The following EPHA4 variants were observed in gnomAD, a reference collection of about 807,000 sequenced individuals.
The protein encoded by EPHA4 is ephrin type-A receptor 4.
EPHA4 carries 19 observed loss-of-function variants against 108.3 expected under a neutral mutation model. That is an observed-to-expected ratio of 0.18 (90% confidence interval 0.12 to 0.26). EPHA4 has a LOEUF of 0.26. Ranked by LOEUF, EPHA4 falls within the 10% of genes least tolerant of loss-of-function variation. The pLI, the probability that EPHA4 is intolerant of heterozygous loss-of-function variation, is 1.00. For missense variants in EPHA4, 917 were observed against 1,254.0 expected, an observed-to-expected ratio of 0.73 and a Z score of 4.06; for synonymous variants, 449 against 455.5, an observed-to-expected ratio of 0.99 and a Z score of 0.18.
intron 3 of EPHA4, among the ~76,000 whole-genome samples, chr2:221,526,844 C>A (rs577889133): frequency 1.0e-5 from 1 of 96,894 alleles, no homozygotes; most frequent in Non-Finnish European, 1.9e-5. Context: ...TATAGCCAGA[C>A]TCGGCCTCAA....
At chr2:221,514,093 GGA>G (rs66899105) in intron 3 of EPHA4, among the ~76,000 whole-genome samples, 43,878 of 146,984 alleles carry the variant, frequency 0.3, 7,079 homozygotes, top group African/African-American at 0.48. Context: ...TAAGCCGGGG[GGA>G]GGGGGTTTGA....
chr2:221,553,980 A>G (rs1413062728), intron 3 of EPHA4, among the ~76,000 whole-genome samples: 1 of 152,248 alleles, frequency 6.6e-6, no homozygotes, highest in African/African-American at 2.4e-5. Context: ...ATAATTATCA[A>G]TCAACTTACT....
At chr2:221,472,825 C>CT (rs1186315129) in intron 5 of EPHA4, among the ~76,000 whole-genome samples, 1 of 152,110 alleles carries the variant, frequency 6.6e-6, no homozygotes, top group Non-Finnish European at 1.5e-5. Flanking sequence ...GGTCCCTGTA[C>CT]TTTTTCATAA....
At chr2:221,514,154 C>A (rs1692923130) in intron 3 of EPHA4, among the ~76,000 whole-genome samples, 2 of 151,866 alleles carry the variant, frequency 1.3e-5, no homozygotes, top group African/African-American at 4.8e-5. Context: ...GGTCATTGTC[C>A]CAAGAAATCG....
At chr2:221,430,309 T>C (rs1398997022) in intron 14 of EPHA4, among the ~76,000 whole-genome samples, 158 bp from the exon 15 acceptor site, 1 of 152,058 alleles carries the variant, frequency 6.6e-6, no homozygotes, top group East Asian at 1.9e-4. Context: ...TAGACCTGAG[T>C]ATCACTGGCA....
intron 5 of EPHA4, among the ~76,000 whole-genome samples, chr2:221,459,482 C>T (rs1418210701): frequency 6.6e-6 from 1 of 152,002 alleles, no homozygotes; most frequent in Non-Finnish European, 1.5e-5. Flanking sequence ...ATATGGAAGC[C>T]ACTGAACATC....
intron 4 of EPHA4, among the ~76,000 whole-genome samples, chr2:221,497,167 G>A (rs1430533023): frequency 6.6e-6 from 1 of 152,130 alleles, no homozygotes; most frequent in East Asian, 1.9e-4. Flanking sequence ...AAGAGGAAGA[G>A]AACAAACATT....
intron 3 of EPHA4, among the ~76,000 whole-genome samples, chr2:221,553,232 T>G (rs1694213567): frequency 6.6e-6 from 1 of 152,230 alleles, no homozygotes; most frequent in South Asian, 2.1e-4. Context: ...AAGCAATAAT[T>G]TGCTTGTAGT....
intron 17 of EPHA4, among the ~76,000 whole-genome samples, chr2:221,422,587 C>T (rs552351571): frequency 6.6e-6 from 1 of 152,268 alleles, no homozygotes; most frequent in South Asian, 2.1e-4. Flanking sequence ...AATGTGAAGA[C>T]TTGTATCTAC....
chr2:221,522,125 C>T (rs1357064267), intron 3 of EPHA4, among the ~76,000 whole-genome samples: 3 of 152,214 alleles, frequency 2.0e-5, no homozygotes, highest in African/African-American at 7.2e-5. Context: ...TTAATTCTCA[C>T]CATTTTCCCT....
chr2:221,513,463 A>C (rs1692892315), intron 3 of EPHA4, among the ~76,000 whole-genome samples: 1 of 152,192 alleles, frequency 6.6e-6, no homozygotes, highest in Non-Finnish European at 1.5e-5. Context: ...AGCTGAAATG[A>C]CTGCAGTAAT....
chr2:221,473,036 A>G (rs1437366038), intron 5 of EPHA4, among the ~76,000 whole-genome samples: 1 of 152,182 alleles, frequency 6.6e-6, no homozygotes, highest in African/African-American at 2.4e-5. Flanking sequence ...CACCTATGGA[A>G]CCAATCATTA....
intron 4 of EPHA4, among the ~76,000 whole-genome samples, chr2:221,486,074 T>A (rs1691964661): frequency 2.0e-5 from 3 of 152,208 alleles, no homozygotes; most frequent in African/African-American, 7.2e-5. Flanking sequence ...ATTGCCTTTG[T>A]CATCAGAAAT....
chr2:221,550,764 A>C (rs1176298648), intron 3 of EPHA4, among the ~76,000 whole-genome samples: 3 of 152,182 alleles, frequency 2.0e-5, no homozygotes, highest in African/African-American at 7.2e-5. Context: ...TGAATTCAAA[A>C]GAATTTGTCA....
intron 5 of EPHA4, among the ~76,000 whole-genome samples, chr2:221,477,358 A>G (rs1691687057): frequency 6.6e-6 from 1 of 152,222 alleles, no homozygotes. Context: ...ACTGCTATGA[A>G]GTCTGTTCTT....
At chr2:221,490,010 G>C (rs964636914) in intron 4 of EPHA4, among the ~76,000 whole-genome samples, 4 of 151,970 alleles carry the variant, frequency 2.6e-5, no homozygotes, top group Non-Finnish European at 5.9e-5. Flanking sequence ...GCCAGGTGTA[G>C]TGGCATGTTC....
chr2:221,486,393 C>G (rs1248298562), intron 4 of EPHA4, among the ~76,000 whole-genome samples: 3 of 152,104 alleles, frequency 2.0e-5, no homozygotes, highest in African/African-American at 7.2e-5. Flanking sequence ...TACTTAGACA[C>G]CATTCCATGT....
upstream of EPHA4, chr2:221,572,728 GT>G (rs1446391784): frequency 6.6e-6 from 1 of 152,586 alleles, no homozygotes; most frequent in Non-Finnish European, 1.5e-5. Flanking sequence ...CTGACCTGCG[GT>G]TGCTTCTTTA....
At position 221,446,060 on chromosome 2, in the gene EPHA4, GT is replaced by G. The variant is rs1690585372; in HGVS notation, c.1774+62del. On this transcript the variant is annotated intron_variant, in intron 9 of 17. Coordinates refer to ENST00000281821, the MANE Select transcript of EPHA4 (RefSeq NM_004438.5). ...AGCCACGTAAATATTATTTGAACAT[GT>G]TTAAACTAGAAAACGTGTGACATGC... The G allele has an allele frequency of 2.8e-5, 30 of 1,077,524 alleles. No individual in the cohort carries two copies. The East Asian group carries it at 8.1e-4, about 29-fold the overall frequency. 66.7% of individuals were successfully genotyped at this position (1,077,524 alleles called of 1,614,324 possible).
Sources: gnomAD v4.1 joint callset for allele counts (sites outside exome capture counted in the v4.1 genomes callset) on GRCh38, gnomAD v4.1.1 for gene constraint, MANE v1.5 for transcripts, NCBI Gene and HGNC (gene_info 2026-07-23, HGNC 2026-07-21) for gene names.